The following LDLRAD3 variants were observed in gnomAD, a reference collection of about 807,000 sequenced individuals.
The protein encoded by LDLRAD3 is low density lipoprotein receptor class A domain containing 3, also known as low-density lipoprotein receptor class A domain-containing protein 3.
In LDLRAD3, 20 loss-of-function variants were observed where a neutral mutation model predicts 29.4. That is an observed-to-expected ratio of 0.68 (90% confidence interval 0.48 to 0.99). The LOEUF is 0.99. LDLRAD3 is among the 50% of genes least tolerant of loss of function. The pLI, the probability that LDLRAD3 is intolerant of heterozygous loss-of-function variation, is 0.00. For synonymous variants in LDLRAD3, 157 were observed against 192.7 expected, an observed-to-expected ratio of 0.81 and a Z score of 1.53; for missense variants, 420 against 454.3, an observed-to-expected ratio of 0.92 and a Z score of 0.69.
intron 4 of LDLRAD3, among the ~76,000 whole-genome samples, chr11:36,191,538 GTC>G (rs751965155): frequency 0.015 from 834 of 55,582 alleles, 4 homozygotes; most frequent in East Asian, 0.033. Context: ...GCAAGACCCT[GTC>G]TCTCTCTCTC....
intron 4 of LDLRAD3, among the ~76,000 whole-genome samples, chr11:36,209,193 G>A (rs1343999308): frequency 1.3e-5 from 2 of 152,122 alleles, no homozygotes; most frequent in Admixed American, 6.5e-5. Context: ...ACCGATTAGA[G>A]GAGATCAATG....
At chr11:36,128,136 G>GTATATATATATA (rs1565242649) in intron 4 of LDLRAD3, among the ~76,000 whole-genome samples, 2,834 of 93,454 alleles carry the variant, frequency 0.03, 234 homozygotes, top group Middle Eastern at 0.057. Flanking sequence ...ATATATATAT[G>GTATATATATATA]TATATGACAT....
At position 36,051,184 on chromosome 11, in the gene LDLRAD3, C is replaced by T. The variant is rs561169639; in HGVS notation, c.193+14935C>T. ...AGGGTAAAGAAAGAAGAGGATGCTG[C>T]ATATTTAGGCCTGCTTATGGTGATT... On this transcript the variant is annotated intron_variant, in intron 2 of 5. Coordinates refer to ENST00000315571, the MANE Select transcript of LDLRAD3 (RefSeq NM_174902.4). Among the ~76,000 whole-genome samples, 85 of 152,276 alleles carry T rather than the reference C, an allele frequency of 5.6e-4. No individual in the cohort carries two copies. The Middle Eastern group carries it at 0.01, about 18-fold the overall frequency.
intron 3 of LDLRAD3, among the ~76,000 whole-genome samples, chr11:36,094,288 G>C (rs1247938551): frequency 2.0e-5 from 3 of 152,146 alleles, no homozygotes; most frequent in Non-Finnish European, 4.4e-5. Flanking sequence ...GCCCTGTTTT[G>C]CCTAGCACCA....
chr11:36,180,618 T>G (rs917835125), intron 4 of LDLRAD3, among the ~76,000 whole-genome samples: 2 of 151,656 alleles, frequency 1.3e-5, no homozygotes, highest in Non-Finnish European at 1.5e-5. Context: ...GCATGGACAG[T>G]TTTGAGTGGA....
chr11:36,063,693 A>T (rs901935718), intron 2 of LDLRAD3, among the ~76,000 whole-genome samples: 7 of 152,100 alleles, frequency 4.6e-5, no homozygotes, highest in Non-Finnish European at 7.4e-5. Flanking sequence ...TTTTCTTGGC[A>T]CTCTTGTCAA....
chr11:36,186,440 T>C (rs1854850323), intron 4 of LDLRAD3, among the ~76,000 whole-genome samples: 2 of 152,102 alleles, frequency 1.3e-5, no homozygotes, highest in South Asian at 4.1e-4. Context: ...AAGGGGAAAT[T>C]GACAATGGTA....
intron 4 of LDLRAD3, among the ~76,000 whole-genome samples, chr11:36,104,103 G>C (rs1357445143): frequency 6.6e-6 from 1 of 152,170 alleles, no homozygotes; most frequent in African/African-American, 2.4e-5. Flanking sequence ...TGTCTTGCCT[G>C]CCCTCGCTGG....
At chr11:36,027,245 A>G (rs1489052893) in intron 1 of LDLRAD3, among the ~76,000 whole-genome samples, 2 of 152,198 alleles carry the variant, frequency 1.3e-5, no homozygotes, top group African/African-American at 4.8e-5. Flanking sequence ...TTTGATTACA[A>G]GTGAGATTGA....
In LDLRAD3 at chr11:36,218,096, G is replaced by T. The variant is rs957635549; in HGVS notation, c.455-8989G>T. 3.9e-5 allele frequency among the ~76,000 whole-genome samples: 6 copies of T among 152,190 alleles called. 1 individual carries two copies. In the South Asian group the frequency reaches 1.2e-3, roughly 32 times the overall value. On this transcript the variant is annotated intron_variant, in intron 4 of 5. Coordinates refer to ENST00000315571, the MANE Select transcript of LDLRAD3 (RefSeq NM_174902.4). Reference sequence around the variant, plus strand: ...TGTGTAAAACACATCAGATATTAATGAGAATAGGGTAAGAGCTGCCAGGAT... The same window carrying T: ...TGTGTAAAACACATCAGATATTAATTAGAATAGGGTAAGAGCTGCCAGGAT...
At chr11:36,008,893 G>C (rs1020825164) in intron 1 of LDLRAD3, among the ~76,000 whole-genome samples, 2 of 152,220 alleles carry the variant, frequency 1.3e-5, no homozygotes, top group Admixed American at 1.3e-4. Flanking sequence ...TTTTACAGCA[G>C]CATTACAACT....
chr11:36,096,242 T>C (rs1320623715), intron 3 of LDLRAD3, among the ~76,000 whole-genome samples: 2 of 152,214 alleles, frequency 1.3e-5, no homozygotes, highest in Non-Finnish European at 2.9e-5. Context: ...TAGATAGCGT[T>C]GTGAAGTTAA....
intron 2 of LDLRAD3, among the ~76,000 whole-genome samples, chr11:36,081,276 T>TG (rs61199007): frequency 0.024 from 3,580 of 152,336 alleles, 90 homozygotes; most frequent in East Asian, 0.11. Context: ...ACTTACTGAA[T>TG]GTTGATTACA....
chr11:36,205,526 A>C (rs1855194454), intron 4 of LDLRAD3, among the ~76,000 whole-genome samples: 1 of 152,176 alleles, frequency 6.6e-6, no homozygotes, highest in Non-Finnish European at 1.5e-5. Context: ...GAGGGATGTA[A>C]GCAGAAGGAA....
At chr11:35,978,303 GT>G (rs531609992) in intron 1 of LDLRAD3, among the ~76,000 whole-genome samples, 108 of 152,332 alleles carry the variant, frequency 7.1e-4, no homozygotes, top group African/African-American at 2.5e-3. Flanking sequence ...ATCCCTGCCT[GT>G]CTCCAGCCTC....
chr11:35,966,155 C>G (rs886240648), intron 1 of LDLRAD3, among the ~76,000 whole-genome samples: 4 of 152,206 alleles, frequency 2.6e-5, no homozygotes, highest in African/African-American at 9.7e-5. Flanking sequence ...AGGCTGGGCG[C>G]AGTGGCTGAC....
At position 36,229,623 on chromosome 11, in the gene LDLRAD3, T is replaced by TAATGATA; in HGVS notation, c.*226_*227insAATGATA. On this transcript the variant is annotated 3_prime_UTR_variant, in exon 6 of 6. Coordinates refer to ENST00000315571, the MANE Select transcript of LDLRAD3 (RefSeq NM_174902.4). ...TGCGTCTTTTCTGTCAGGTCACTCTTCCCTTGGGACCCGAGATCACACCCT... is the reference window on the plus strand; with the variant it reads ...TGCGTCTTTTCTGTCAGGTCACTCTTAATGATACCCTTGGGACCCGAGATCACACCCT... 2.0e-6 allele frequency: 1 copy of TAATGATA among 487,894 alleles called. No individual in the cohort carries two copies. The highest frequency in any genetic ancestry group is 3.6e-6 in the Non-Finnish European group (1 of 275,708). The allele number at this position is 487,894 out of a possible 1,614,324, so 30.2% of individuals were successfully genotyped here.
intron 1 of LDLRAD3, among the ~76,000 whole-genome samples, chr11:35,982,712 G>C (rs573143229): frequency 1.3e-5 from 2 of 152,072 alleles, no homozygotes; most frequent in African/African-American, 4.8e-5. Flanking sequence ...GCATGTTGTT[G>C]TGCAGCTTGA....
chr11:36,096,727 G>T (rs1853367431), intron 3 of LDLRAD3, among the ~76,000 whole-genome samples: 1 of 152,242 alleles, frequency 6.6e-6, no homozygotes. Context: ...AGCTTAGAAG[G>T]GGACCATGCT....
Sources: allele counts gnomAD v4.1 joint callset (sites outside exome capture counted in the v4.1 genomes callset), GRCh38; gene constraint gnomAD v4.1.1; transcripts MANE v1.5; gene names NCBI Gene and HGNC (gene_info 2026-07-23, HGNC 2026-07-21).